The following PDGFD variants were observed in gnomAD, a reference collection of about 807,000 sequenced individuals.
PDGFD encodes the protein platelet-derived growth factor D.
PDGFD carries 30 observed loss-of-function variants against 44.7 expected under a neutral mutation model. That is an observed-to-expected ratio of 0.67 (90% CI 0.50 to 0.91). The LOEUF (loss-of-function observed/expected upper bound fraction) is 0.91, where lower values mean the gene tolerates loss of function less well. PDGFD is among the 40% of genes least tolerant of loss of function. The pLI is 0.00. For missense variants in PDGFD, 445 were observed against 457.8 expected (o/e 0.97, Z 0.25); for synonymous variants, 173 against 168.4 (o/e 1.03, Z -0.21).
chr11:104,142,683 G>A (rs572028518), intron 1 of PDGFD, among the ~76,000 whole-genome samples: 14 of 152,154 alleles, frequency 9.2e-5, no homozygotes, highest in Non-Finnish European at 1.3e-4. Context: ...TAGAAAAACC[G>A]AAGGCCCTAA....
chr11:104,043,247 C>T lies in PDGFD; in HGVS notation c.125-42992G>A, dbSNP rs1273993000. On this transcript the variant is annotated intron_variant, in intron 1 of 6. Transcript: ENST00000393158. ...CTATTCACCAGAATTTTATTGACCA[C>T]CTGCTGCATGTCAGGACCATTTTAG... is the stretch of plus-strand genomic sequence containing the variant. 2.0e-5 allele frequency among the ~76,000 whole-genome samples: 3 copies of T among 152,208 alleles called. No individual in the cohort carries two copies. In the East Asian group the frequency reaches 5.8e-4, roughly 29 times the overall value.
intron 1 of PDGFD, among the ~76,000 whole-genome samples, chr11:104,122,321 T>A (rs1265548067): frequency 6.6e-6 from 1 of 152,062 alleles, no homozygotes; most frequent in South Asian, 2.1e-4. Flanking sequence ...AGAGAACTCA[T>A]CTGCATAATA....
intron 1 of PDGFD, among the ~76,000 whole-genome samples, chr11:104,153,948 G>GGCAGA (rs1862275225): frequency 6.6e-6 from 1 of 152,024 alleles, no homozygotes; most frequent in African/African-American, 2.4e-5. Context: ...GTATTTATAG[G>GGCAGA]GCAGACAGGA....
intron 3 of PDGFD, among the ~76,000 whole-genome samples, chr11:103,989,358 C>G (rs1859417317): frequency 6.6e-6 from 1 of 152,226 alleles, no homozygotes; most frequent in African/African-American, 2.4e-5. Context: ...ATGTGTGCTT[C>G]AACCAGTATC....
At chr11:104,010,675 A>G (rs1194718269) in intron 1 of PDGFD, among the ~76,000 whole-genome samples, 1 of 152,126 alleles carries the variant, frequency 6.6e-6, no homozygotes, top group Non-Finnish European at 1.5e-5. Flanking sequence ...TAACCATGGT[A>G]GATTTTATCA....
intron 1 of PDGFD, among the ~76,000 whole-genome samples, chr11:104,149,494 G>A (rs1862211586): frequency 6.6e-6 from 1 of 152,162 alleles, no homozygotes; most frequent in African/African-American, 2.4e-5. Flanking sequence ...GGCAGTGTTA[G>A]TAGTGGTAGG....
intron 1 of PDGFD, among the ~76,000 whole-genome samples, chr11:104,032,611 T>A (rs1474497271): frequency 6.6e-6 from 1 of 151,844 alleles, no homozygotes; most frequent in African/African-American, 2.4e-5. Context: ...AAACATCAAC[T>A]GACTATCATA....
intron 3 of PDGFD, among the ~76,000 whole-genome samples, chr11:103,951,568 A>T (rs978581550): frequency 2.0e-5 from 3 of 152,272 alleles, no homozygotes; most frequent in Admixed American, 6.5e-5. Flanking sequence ...GTGTCCTCTG[A>T]TTTGATAACC....
At position 104,047,081 on chromosome 11, in the gene PDGFD, T is replaced by A. The variant is rs145284008; in HGVS notation, c.125-46826A>T. On this transcript the variant is annotated intron_variant, in intron 1 of 6. Coordinates refer to ENST00000393158, the MANE Select transcript of PDGFD (RefSeq NM_025208.5). Reference sequence around the variant, plus strand: ...CAGAGGACATGAACTCATCCTTTTTTATGGCTGCATAGTATTCCATGGTAT... The same window carrying A: ...CAGAGGACATGAACTCATCCTTTTTAATGGCTGCATAGTATTCCATGGTAT... Among the ~76,000 whole-genome samples, 1,294 of 147,466 alleles carry A rather than the reference T, an allele frequency of 8.8e-3. 121 individuals carry two copies. Among genetic ancestry groups the A allele is most frequent in the African/African-American group, 0.03 (1,224 of 40,530 alleles).
At chr11:103,993,794 T>C (rs562599949) in intron 3 of PDGFD, among the ~76,000 whole-genome samples, 1 of 152,312 alleles carries the variant, frequency 6.6e-6, no homozygotes, top group East Asian at 1.9e-4. Flanking sequence ...TTTGTCAAAA[T>C]ACTTTGGCTT....
intron 6 of PDGFD, among the ~76,000 whole-genome samples, chr11:103,916,560 T>C (rs6591061): frequency 0.46 from 69,950 of 151,936 alleles, 16,221 homozygotes; most frequent in African/African-American, 0.49. Context: ...ACCAGAAATA[T>C]CATTTGACCC....
At position 103,908,853 on chromosome 11, in the gene PDGFD, TGTGGAGGG is replaced by T. The variant is rs921194911; in HGVS notation, c.*833_*840del. On this transcript the variant is annotated 3_prime_UTR_variant, in exon 7 of 7. Coordinates refer to ENST00000393158, the MANE Select transcript of PDGFD (RefSeq NM_025208.5). ...TGCCATTCTTGAAAGGATTTGCTTT[TGTGGAGGG>T]GTTTTGCAAAGAAAAACAATTCAAA... 1.2e-4 allele frequency: 18 copies of T among 152,342 alleles called. No homozygotes were observed. In the South Asian group the frequency reaches 2.9e-3, roughly 25 times the overall value. The allele number at this position is 152,342 out of a possible 1,614,324, so 9.4% of individuals were successfully genotyped here.
intron 1 of PDGFD, among the ~76,000 whole-genome samples, chr11:104,087,714 C>T (rs1476500573): frequency 6.6e-6 from 1 of 152,186 alleles, no homozygotes; most frequent in Non-Finnish European, 1.5e-5. Flanking sequence ...AGAACAATTT[C>T]TGCAATATTT....
rs117083179 is a variant in PDGFD at position 104,062,882 on chromosome 11, G to A, written c.125-62627C>T. The stretch of plus-strand genomic sequence containing the variant: ...CTAGAGATACAAATATAGAGTAACT[G>A]TCAGTGCTATTAATTTTATCTCCCA... On this transcript the variant is annotated intron_variant, in intron 1 of 6. Transcript: ENST00000393158. Among the ~76,000 whole-genome samples the A allele has an allele frequency of 1.7e-3, 262 of 152,286 alleles. 3 individuals are homozygous for A. The East Asian group carries it at 0.043, about 25-fold the overall frequency.
chr11:103,979,478 T>TTGA lies in PDGFD; in HGVS notation c.510+16586_510+16587insTCA, dbSNP rs1859233840. Among the ~76,000 whole-genome samples the TTGA allele has an allele frequency of 9.9e-5, 15 of 152,244 alleles. 1 individual carries two copies. Among genetic ancestry groups the TTGA allele is most frequent in the Admixed American group, 8.5e-4 (13 of 15,264 alleles). On this transcript the variant is annotated intron_variant, in intron 3 of 6. Coordinates refer to ENST00000393158, the MANE Select transcript of PDGFD (RefSeq NM_025208.5). ...TCTTACCACAATTGACTCAGGCAAC[T>TTGA]ATCTGGCAGGGAGGTTTCACATTTT...
chr11:103,995,711 CTTTAATTCTGAAAACCTG>C (rs1859524698), intron 3 of PDGFD, among the ~76,000 whole-genome samples: 1 of 152,170 alleles, frequency 6.6e-6, no homozygotes, highest in African/African-American at 2.4e-5. Flanking sequence ...TTTTCTTTAG[CTTTAATTCTGAAAACCTG>C]TTTAACTCTC....
chr11:104,085,108 CT>C (rs1362249952), intron 1 of PDGFD, among the ~76,000 whole-genome samples: 1 of 150,916 alleles, frequency 6.6e-6, no homozygotes, highest in Admixed American at 6.6e-5. Flanking sequence ...TCAGTTTGTA[CT>C]TTTTTTATAT....
At chr11:104,033,571 T>C (rs1401669475) in intron 1 of PDGFD, among the ~76,000 whole-genome samples, 1 of 152,210 alleles carries the variant, frequency 6.6e-6, no homozygotes, top group Non-Finnish European at 1.5e-5. Context: ...AAGATGTTAG[T>C]TTCTTTTCAT....
At chr11:104,059,824 A>G (rs1217428709) in intron 1 of PDGFD, among the ~76,000 whole-genome samples, 1 of 152,238 alleles carries the variant, frequency 6.6e-6, no homozygotes, top group Admixed American at 6.5e-5. Context: ...CTAAAATGAG[A>G]ACAGGATCTT....
Sources: gnomAD v4.1 joint callset for allele counts (sites outside exome capture counted in the v4.1 genomes callset) on GRCh38, gnomAD v4.1.1 for gene constraint, MANE v1.5 for transcripts, NCBI Gene and HGNC (gene_info 2026-07-23, HGNC 2026-07-21) for gene names.